KIAA1549L: variants seen among roughly 807,000 people sequenced by gnomAD.
The protein encoded by KIAA1549L is KIAA1549 like.
A neutral mutation model predicts 160.7 loss-of-function variants in KIAA1549L; 88 were observed. The ratio of observed to expected loss-of-function variants is 0.55; its 90% confidence interval spans 0.46 to 0.65. KIAA1549L has a LOEUF of 0.65. Ranked by LOEUF, KIAA1549L falls within the 30% of genes least tolerant of loss-of-function variation. The pLI, the probability that KIAA1549L is intolerant of heterozygous loss-of-function variation, is 0.00. For missense variants in KIAA1549L, 2,258 were observed against 2,437.5 expected (o/e 0.93, Z 1.55); for synonymous variants, 950 against 976.7 (o/e 0.97, Z 0.51).
At chr11:33,415,097 G>A (rs1850862458) in intron 1 of KIAA1549L, among the ~76,000 whole-genome samples, 2 of 151,646 alleles carry the variant, frequency 1.3e-5, no homozygotes, top group African/African-American at 4.8e-5. Flanking sequence ...GGTAAAACTG[G>A]TGAAATACTA....
intron 1 of KIAA1549L, among the ~76,000 whole-genome samples, chr11:33,435,775 T>TAC (rs1179530629): frequency 0.015 from 98 of 6,468 alleles, 11 homozygotes; most frequent in African/African-American, 0.071. Context: ...TATATATATA[T>TAC]ATATATATAT....
In KIAA1549L at chr11:33,671,028, T is replaced by C. The variant is rs770759182; in HGVS notation, c.*2874T>C. 1 of 152,218 alleles carries C rather than the reference T, an allele frequency of 6.6e-6. No individual in the cohort carries two copies. The highest frequency in any genetic ancestry group is 1.5e-5 in the Non-Finnish European group (1 of 68,036). 9.4% of individuals were successfully genotyped at this position (152,218 alleles called of 1,614,324 possible). A position where few individuals can be genotyped will look rare whatever the true frequency, so the allele number is the denominator to read the frequency against. ...GGGTCATATGAAGAACTCCATAATGTTCTTGCCAAGAAAAAAGATGATTGA... is the reference window on the plus strand; with the variant it reads ...GGGTCATATGAAGAACTCCATAATGCTCTTGCCAAGAAAAAAGATGATTGA... On this transcript the variant is annotated 3_prime_UTR_variant, in exon 21 of 21. Coordinates refer to ENST00000658780, the MANE Select transcript of KIAA1549L (RefSeq NM_012194.3).
In KIAA1549L at chr11:33,376,801, G is replaced by T. The variant is rs1424050671; in HGVS notation, c.150G>T (p.Ala50=). 1 of 152,050 alleles carries T rather than the reference G, an allele frequency of 6.6e-6. No individual in the cohort carries two copies. Among genetic ancestry groups the T allele is most frequent in the East Asian group, 1.9e-4 (1 of 5,170 alleles). The allele number at this position is 152,050 out of a possible 1,614,324, so 9.4% of individuals were successfully genotyped here. ...CTGVRGPGAG[A]SHDAPPRPPT... is the part of the protein sequence containing the mutation. ...GTGTGAGGGGCCCCGGGGCCGGCGC[G>T]TCCCACGATGCGCCCCCGCGGCCAC... Residue 50 remains alanine (A), a synonymous_variant, in exon 1 of 21, where the codon GCG becomes GCT. Transcript: ENST00000658780. The surrounding 1 kb of genome is among the most constrained non-coding windows in gnomAD (Gnocchi z 5.8).
intron 1 of KIAA1549L, among the ~76,000 whole-genome samples, chr11:33,492,570 C>T (rs1254973614): frequency 6.6e-6 from 1 of 152,120 alleles, no homozygotes; most frequent in Non-Finnish European, 1.5e-5. Context: ...GGACGTGGTT[C>T]TACTTTTTGT....
In KIAA1549L at chr11:33,542,625, G is replaced by C; in HGVS notation, c.1062G>C (p.Pro354=). Residue 354 remains proline, a synonymous_variant, in exon 2 of 21, where the codon CCG becomes CCC. Coordinates refer to ENST00000658780, the MANE Select transcript of KIAA1549L (RefSeq NM_012194.3). ...GCCCCATGGCAGAACTGTCCCATCC[G>C]TCTCCCCCTCCCCCAGCACTTGGAA... The part of the protein sequence containing the change: ...FLSPMAELSH[P]SPPPPALGSL... 18 of 1,613,778 alleles carry C rather than the reference G, an allele frequency of 1.1e-5. No individual in the cohort carries two copies. Among genetic ancestry groups the C allele is most frequent in the Non-Finnish European group, 1.5e-5 (18 of 1,179,830 alleles).
At chr11:33,613,071 T>C (rs995092703) in intron 15 of KIAA1549L, among the ~76,000 whole-genome samples, 3 of 152,230 alleles carry the variant, frequency 2.0e-5, no homozygotes, top group African/African-American at 4.8e-5. Context: ...AACATTCTCA[T>C]GCATGTGTCT....
At chr11:33,523,589 A>C (rs1853546412) in intron 1 of KIAA1549L, among the ~76,000 whole-genome samples, 1 of 152,102 alleles carries the variant, frequency 6.6e-6, no homozygotes, top group African/African-American at 2.4e-5. Flanking sequence ...CCTATCATGT[A>C]CCAATGTAGA....
Position 33,543,209 on chromosome 11 carries a change from ATCT to A in KIAA1549L, c.1651_1653del (p.Leu551del), listed in dbSNP as rs768063973. 3.1e-6 allele frequency: 5 copies of A among 1,613,922 alleles called. No individual in the cohort carries two copies. The African/African-American group carries it at 4.0e-5, about 13-fold the overall frequency. On this transcript the variant is annotated inframe_deletion, in exon 2 of 21. Transcript: ENST00000658780. The stretch of plus-strand genomic sequence containing the variant: ...TTGCTCCTCTCAAGCAAAGTTCCTA[ATCT>A]TCTTTCCACATCTTGGACATTTCCC...
chr11:33,540,311 A>G (rs1256681980), intron 1 of KIAA1549L, among the ~76,000 whole-genome samples: 1 of 152,272 alleles, frequency 6.6e-6, no homozygotes, highest in African/African-American at 2.4e-5. Context: ...GGTTGAATCC[A>G]TTTAAACAAA....
intron 6 of KIAA1549L, among the ~76,000 whole-genome samples, chr11:33,559,548 G>A (rs933621610): frequency 2.6e-5 from 4 of 152,234 alleles, no homozygotes; most frequent in Non-Finnish European, 4.4e-5. Context: ...ATGAGATGAC[G>A]TGCCCTTAGC....
Position 33,598,999 on chromosome 11 carries a change from G to A in KIAA1549L, c.4879+52G>A, listed in dbSNP as rs561965144. Reference sequence around the variant, plus strand: ...CCCCCAGCTGCTCCCACGCGTGCCCGCACACACATGCGTGCACACGTGTGC... The same window carrying A: ...CCCCCAGCTGCTCCCACGCGTGCCCACACACACATGCGTGCACACGTGTGC... On this transcript the variant is annotated intron_variant, in intron 13 of 20. Transcript: ENST00000658780. 8.1e-5 allele frequency: 129 copies of A among 1,599,066 alleles called. No homozygotes were observed. In the South Asian group the frequency reaches 1.0e-3, roughly 13 times the overall value.
intron 15 of KIAA1549L, among the ~76,000 whole-genome samples, chr11:33,611,780 TA>T (rs1023449789): frequency 5.9e-5 from 9 of 152,232 alleles, no homozygotes; most frequent in African/African-American, 1.9e-4. Context: ...GAGGTGGGGC[TA>T]AATTTTATGA....
chr11:33,425,399 G>A (rs1851096062), intron 1 of KIAA1549L, among the ~76,000 whole-genome samples: 1 of 152,176 alleles, frequency 6.6e-6, no homozygotes, highest in African/African-American at 2.4e-5. Flanking sequence ...TCACTGTGAT[G>A]TATCAAGGGA....
At position 33,592,995 on chromosome 11, in the gene KIAA1549L, T is replaced by A. The variant is rs544313480; in HGVS notation, c.4751+1574T>A. Among the ~76,000 whole-genome samples the A allele has an allele frequency of 2.0e-5, 3 of 152,312 alleles. No homozygotes were observed. In the East Asian group the frequency reaches 5.8e-4, roughly 29 times the overall value. Reference sequence around the variant, plus strand: ...GAACTAGGGAGGAAGTGGTGGCAGATGAGTCTGGCAAGTTGCTGGAGGTTG... The same window carrying A: ...GAACTAGGGAGGAAGTGGTGGCAGAAGAGTCTGGCAAGTTGCTGGAGGTTG... On this transcript the variant is annotated intron_variant, in intron 12 of 20. Coordinates refer to ENST00000658780, the MANE Select transcript of KIAA1549L (RefSeq NM_012194.3).
At chr11:33,402,260 C>A (rs1850516971) in intron 1 of KIAA1549L, among the ~76,000 whole-genome samples, 1 of 152,194 alleles carries the variant, frequency 6.6e-6, no homozygotes, top group Non-Finnish European at 1.5e-5. Context: ...TGCTTGGCCG[C>A]TTAAGCCAGA....
chr11:33,650,046 TGAGGTCCTCACCCGGAAG>T (rs1851841207), intron 17 of KIAA1549L, among the ~76,000 whole-genome samples: 1 of 152,280 alleles, frequency 6.6e-6, no homozygotes, highest in African/African-American at 2.4e-5. Context: ...TTTGATGAAG[TGAGGTCCTCACCCGGAAG>T]GAGAGGACCT....
At chr11:33,666,494 A>T (rs1852458822) in intron 20 of KIAA1549L, among the ~76,000 whole-genome samples, 1 of 152,094 alleles carries the variant, frequency 6.6e-6, no homozygotes, top group African/African-American at 2.4e-5. Flanking sequence ...TACATACTTC[A>T]TTCGCCATAG....
chr11:33,436,133 A>T (rs148140092), intron 1 of KIAA1549L, among the ~76,000 whole-genome samples: 2 of 152,056 alleles, frequency 1.3e-5, no homozygotes, highest in African/African-American at 4.8e-5. Flanking sequence ...ATGCCACTTT[A>T]TATCTCAGGG....
chr11:33,495,743 A>G (rs1852802595), intron 1 of KIAA1549L, among the ~76,000 whole-genome samples: 2 of 151,988 alleles, frequency 1.3e-5, no homozygotes, highest in South Asian at 2.1e-4. Context: ...AGTCCCACCA[A>G]CAGTGTAAAA....
Sources: allele counts gnomAD v4.1 joint callset (sites outside exome capture counted in the v4.1 genomes callset), GRCh38; gene constraint gnomAD v4.1.1; non-coding constraint Gnocchi (gnomAD v3.1); transcripts MANE v1.5; gene names NCBI Gene and HGNC (gene_info 2026-07-23, HGNC 2026-07-21).